Variants in PARM1 observed in about 807,000 individuals in gnomAD.
The protein encoded by PARM1 is prostate androgen-regulated mucin-like protein 1, also known as WSC4, cell wall integrity and stress response component 4 homolog.
A neutral mutation model predicts 24.6 loss-of-function variants in PARM1; 14 were observed. That is an observed-to-expected ratio of 0.57 (90% CI 0.38 to 0.89). The LOEUF is 0.89. Ranked by LOEUF, PARM1 falls within the 40% of genes least tolerant of loss-of-function variation. PARM1 has a pLI of 0.00. For synonymous variants in PARM1, 179 were observed against 156.6 expected (o/e 1.14, Z -1.07); for missense variants, 362 against 380.4 (o/e 0.95, Z 0.40).
At chr4:75,029,893 C>A (rs971464281) in intron 2 of PARM1, among the ~76,000 whole-genome samples, 1 of 151,688 alleles carries the variant, frequency 6.6e-6, no homozygotes, top group Admixed American at 6.6e-5. Context: ...AAAAAAAATT[C>A]TGGTAATCTT....
chr4:74,986,278 G>C (rs910616119), intron 1 of PARM1, among the ~76,000 whole-genome samples: 12 of 152,104 alleles, frequency 7.9e-5, no homozygotes, highest in African/African-American at 2.9e-4. Context: ...TTCCTTTGCA[G>C]TACGAAAGGC....
At chr4:74,977,451 T>C (rs1722160774) in intron 1 of PARM1, among the ~76,000 whole-genome samples, 2 of 151,966 alleles carry the variant, frequency 1.3e-5, no homozygotes, top group African/African-American at 4.8e-5. Flanking sequence ...CTGATAACTA[T>C]GGGATGGGAT....
At chr4:75,034,935 G>C (rs926391554) in intron 3 of PARM1, 2 of 152,406 alleles carry the variant, frequency 1.3e-5, no homozygotes, top group African/African-American at 4.8e-5. Flanking sequence ...GACCGTGCCT[G>C]CCTCCCCTTT....
chr4:75,010,338 G>T (rs114399053), intron 1 of PARM1, among the ~76,000 whole-genome samples: 2 of 152,124 alleles, frequency 1.3e-5, no homozygotes, highest in Non-Finnish European at 2.9e-5. Context: ...TAGAATGGTT[G>T]GTTGTTTTTA....
At chr4:74,952,933 A>C (rs756581178) in intron 1 of PARM1, among the ~76,000 whole-genome samples, 4 of 152,226 alleles carry the variant, frequency 2.6e-5, no homozygotes, top group Non-Finnish European at 4.4e-5. Flanking sequence ...AAAGAAGGAG[A>C]CCAAATAACA....
intron 1 of PARM1, among the ~76,000 whole-genome samples, chr4:74,960,768 G>A (rs940385051): frequency 1.3e-5 from 2 of 152,068 alleles, no homozygotes; most frequent in East Asian, 1.9e-4. Flanking sequence ...CAGCACTTTG[G>A]GAGGCCGAGG....
chr4:74,955,090 C>T (rs1399337891), intron 1 of PARM1, among the ~76,000 whole-genome samples: 3 of 152,098 alleles, frequency 2.0e-5, no homozygotes, highest in Admixed American at 2.0e-4. Context: ...ATATAAATTC[C>T]ATTTATATTA....
chr4:74,978,400 A>C (rs1456996114), intron 1 of PARM1, among the ~76,000 whole-genome samples: 1 of 152,228 alleles, frequency 6.6e-6, no homozygotes, highest in African/African-American at 2.4e-5. Flanking sequence ...TCAATTCAAC[A>C]TGAAGAGCTA....
At chr4:74,934,996 C>CTTTTTTTTTTT (rs11392364) in intron 1 of PARM1, among the ~76,000 whole-genome samples, 7 of 116,552 alleles carry the variant, frequency 6.0e-5, no homozygotes, top group Non-Finnish European at 6.8e-5. Flanking sequence ...GCTCTTTTTT[C>CTTTTTTTTTTT]TTTTTTTTTT....
chr4:74,940,095 A>G (rs1004864988), intron 1 of PARM1, among the ~76,000 whole-genome samples: 7 of 152,198 alleles, frequency 4.6e-5, no homozygotes, highest in Admixed American at 6.5e-5. Context: ...TGGAGCTACC[A>G]TTCAGACTTC....
At chr4:74,977,174 G>A (rs1042053817) in intron 1 of PARM1, among the ~76,000 whole-genome samples, 1 of 152,176 alleles carries the variant, frequency 6.6e-6, no homozygotes, top group Non-Finnish European at 1.5e-5. Flanking sequence ...AGCTACCAGA[G>A]CATGTTCTAA....
intron 2 of PARM1, among the ~76,000 whole-genome samples, chr4:75,015,062 A>G (rs1722955805): frequency 6.6e-6 from 1 of 152,024 alleles, no homozygotes; most frequent in Non-Finnish European, 1.5e-5. Flanking sequence ...CAACTTTTTC[A>G]GTTTTTAACC....
rs151226632 is a variant in PARM1, at chr4:75,039,008, C to CTA, written c.848+5049_848+5050dup. 4.0e-3 allele frequency among the ~76,000 whole-genome samples: 614 copies of CTA among 152,310 alleles called. 4 individuals are homozygous for CTA. Among genetic ancestry groups the CTA allele is most frequent in the African/African-American group, 0.013 (556 of 41,564 alleles). On this transcript the variant is annotated intron_variant, in intron 3 of 3. Coordinates refer to ENST00000307428, the MANE Select transcript of PARM1 (RefSeq NM_015393.4). Reference sequence around the variant, plus strand: ...TTTAAGACGTCTTGTTAGAAGTCACCTATTTTGCTTTATGTCTTCTAGTGA... The same window carrying CTA: ...TTTAAGACGTCTTGTTAGAAGTCACCTATATTTTGCTTTATGTCTTCTAGTGA...
intron 1 of PARM1, among the ~76,000 whole-genome samples, chr4:74,989,482 A>G (rs1303596093): frequency 1.3e-5 from 2 of 152,220 alleles, no homozygotes; most frequent in Admixed American, 1.3e-4. Flanking sequence ...CAAGGTATGT[A>G]GGAAGGGATG....
chr4:74,981,991 A>G (rs992839662), intron 1 of PARM1, among the ~76,000 whole-genome samples: 2 of 152,032 alleles, frequency 1.3e-5, no homozygotes, highest in African/African-American at 4.8e-5. Flanking sequence ...AGATACCCGC[A>G]CTCATATGTT....
chr4:75,036,482 TGTA>T (rs1377973725), intron 3 of PARM1, among the ~76,000 whole-genome samples: 1 of 152,146 alleles, frequency 6.6e-6, no homozygotes, highest in Non-Finnish European at 1.5e-5. Flanking sequence ...GTTTCTACCT[TGTA>T]GTGTTGTTTG....
At chr4:74,933,504 C>T (rs1479482629) in intron 1 of PARM1, 134 bp downstream of exon 1, 4 of 739,154 alleles carry the variant, frequency 5.4e-6, no homozygotes, top group Non-Finnish European at 9.4e-6. Context: ...GGTGTGTGCG[C>T]ACTTAGATTT....
At chr4:75,015,561 C>T (rs1722968541) in intron 2 of PARM1, among the ~76,000 whole-genome samples, 1 of 152,166 alleles carries the variant, frequency 6.6e-6, no homozygotes, top group Non-Finnish European at 1.5e-5. Flanking sequence ...AAGTATGAGA[C>T]CTATCCTTTG....
chr4:74,938,000 AAACTCAACTC>A (rs1307284611), intron 1 of PARM1, among the ~76,000 whole-genome samples: 2 of 152,354 alleles, frequency 1.3e-5, no homozygotes, highest in Non-Finnish European at 1.5e-5. Context: ...TGTGTTTCAA[AAACTCAACTC>A]AGCTAAACCT....
Sources: allele counts gnomAD v4.1 joint callset (sites outside exome capture counted in the v4.1 genomes callset), GRCh38; gene constraint gnomAD v4.1.1; transcripts MANE v1.5; gene names NCBI Gene and HGNC (gene_info 2026-07-23, HGNC 2026-07-21).